FHOD3: variants seen among roughly 807,000 people sequenced by gnomAD.
FHOD3 encodes formin homology 2 domain containing 3.
Under a neutral mutation model 173.0 loss-of-function variants are expected in FHOD3, and 90 were observed. That is an observed-to-expected ratio of 0.52 (90% CI 0.44 to 0.62). The LOEUF (loss-of-function observed/expected upper bound fraction) is 0.62. Ranked by LOEUF, FHOD3 falls within the 20% of genes least tolerant of loss-of-function variation. FHOD3 has a pLI of 0.00. For synonymous variants in FHOD3, 828 were observed against 823.0 expected (o/e 1.01, Z -0.10); for missense variants, 1,945 against 2,034.7 (o/e 0.96, Z 0.85).
chr18:36,303,569 C>T (rs190587669), intron 1 of FHOD3, among the ~76,000 whole-genome samples: 1 of 152,186 alleles, frequency 6.6e-6, no homozygotes, highest in Non-Finnish European at 1.5e-5. Context: ...TTAATAGTGT[C>T]GACTTTAAAA....
At chr18:36,588,514 A>G (rs2059113821) in intron 6 of FHOD3, among the ~76,000 whole-genome samples, 1 of 152,228 alleles carries the variant, frequency 6.6e-6, no homozygotes. Context: ...AATAAAATGA[A>G]GCATGGTTTT....
intron 20 of FHOD3, among the ~76,000 whole-genome samples, chr18:36,733,233 C>T (rs1336962374): frequency 6.6e-6 from 1 of 152,190 alleles, no homozygotes; most frequent in African/African-American, 2.4e-5. Context: ...TATGCAACCC[C>T]CCTGGCCTTC....
rs991431743 is a variant in FHOD3 at position 36,547,080 on chromosome 18, C to T, written c.512-29371C>T. Among the ~76,000 whole-genome samples the T allele has an allele frequency of 3.3e-5, 5 of 152,188 alleles. No homozygotes were observed. In the East Asian group the frequency reaches 9.6e-4, roughly 29 times the overall value. ...GCTGCCCCCTGGGAAGGTCCTGCAT[C>T]CTGGCCCTGTGTCCTGCCGCCTTCA... On this transcript the variant is annotated intron_variant, in intron 5 of 28. Coordinates refer to ENST00000590592, the MANE Select transcript of FHOD3 (RefSeq NM_001281740.3).
At chr18:36,700,330 G>T (rs1033847906) in intron 17 of FHOD3, among the ~76,000 whole-genome samples, 7 of 152,172 alleles carry the variant, frequency 4.6e-5, no homozygotes, top group African/African-American at 1.4e-4. Flanking sequence ...GTGCCAGGCT[G>T]AGGGCTGTTC....
intron 3 of FHOD3, among the ~76,000 whole-genome samples, chr18:36,444,357 A>T (rs2051341894): frequency 6.6e-6 from 1 of 152,056 alleles, no homozygotes; most frequent in Admixed American, 6.5e-5. Context: ...AAAATGGAGT[A>T]TGTTACTTCT....
At chr18:36,744,438 C>T (rs1330812405) in intron 23 of FHOD3, among the ~76,000 whole-genome samples, 1 of 152,272 alleles carries the variant, frequency 6.6e-6, no homozygotes, top group Non-Finnish European at 1.5e-5. Flanking sequence ...AGCCTGCCAT[C>T]CCATTCCTAA....
At chr18:36,505,760 A>AC (rs1298078480) in intron 4 of FHOD3, among the ~76,000 whole-genome samples, 1 of 152,168 alleles carries the variant, frequency 6.6e-6, no homozygotes, top group Non-Finnish European at 1.5e-5. Flanking sequence ...GGATGAAAAA[A>AC]CATTACTGTT....
chr18:36,425,608 G>T (rs557344115), intron 3 of FHOD3, among the ~76,000 whole-genome samples: 50 of 152,218 alleles, frequency 3.3e-4, no homozygotes, highest in South Asian at 3.1e-3. Flanking sequence ...CAACAGTGGC[G>T]CTTGACTCCA....
rs1265464956 is a variant in FHOD3 at position 36,718,165 on chromosome 18, CT to C, written c.2868del (p.Asp957MetfsTer53). 6.2e-7 allele frequency: 1 copy of C among 1,611,650 alleles called. No individual in the cohort carries two copies. Among genetic ancestry groups the C allele is most frequent in the Non-Finnish European group, 8.5e-7 (1 of 1,178,778 alleles). On this transcript the variant is annotated frameshift_variant, in exon 19 of 29. Transcript: ENST00000590592. LOFTEE classifies it high-confidence loss of function. ...GACCTGGGGAGAGGTTCCATCTCCC[CT>C]GATGCTGAGCCCAATGACAAGGTCC... Reference protein sequence around the residue: ...SGDLGRGSISPDAEPNDKVPE... With the variant: ...SGDLGRGSISXDAEPNDKVPE...
rs148301912 is a variant in FHOD3, at chr18:36,551,485, TTTAA to T, written c.512-24959_512-24956del. Among the ~76,000 whole-genome samples the T allele has an allele frequency of 9.1e-3, 1,388 of 152,164 alleles. 21 individuals are homozygous for T. The highest frequency in any genetic ancestry group is 0.031 in the African/African-American group (1,275 of 41,536). ...TTGATTAATTTATTTAATTAATTAATTTAATTAATTGATTTAATTAGATCCCATT... is the reference window on the plus strand; with the variant it reads ...TTGATTAATTTATTTAATTAATTAATTTAATTGATTTAATTAGATCCCATT... On this transcript the variant is annotated intron_variant, in intron 5 of 28. Coordinates refer to ENST00000590592, the MANE Select transcript of FHOD3 (RefSeq NM_001281740.3).
At chr18:36,731,696 G>C (rs879568) in intron 20 of FHOD3, among the ~76,000 whole-genome samples, 60,552 of 152,118 alleles carry the variant, frequency 0.4, 12,594 homozygotes, top group African/African-American at 0.53. Flanking sequence ...CCTGACTCCA[G>C]AGAGGGAGAG....
intron 3 of FHOD3, among the ~76,000 whole-genome samples, chr18:36,391,727 G>A (rs1360457220): frequency 6.6e-6 from 1 of 152,112 alleles, no homozygotes; most frequent in African/African-American, 2.4e-5. Context: ...GTCATCGTGT[G>A]CACACCTTAC....
Position 36,576,656 on chromosome 18 carries a change from G to A in FHOD3, c.606+111G>A, listed in dbSNP as rs573679304. On this transcript the variant is annotated intron_variant, in intron 6 of 28. Coordinates refer to ENST00000590592, the MANE Select transcript of FHOD3 (RefSeq NM_001281740.3). ...AATTTTATTCAGCTTTTTTCAAGCC[G>A]TTACAGTATAAATGAGGATTACTAC... The A allele has an allele frequency of 3.5e-4, 247 of 708,484 alleles. 1 individual carries two copies. The highest frequency in any genetic ancestry group is 1.0e-3 in the Admixed American group (34 of 34,150). The allele number at this position is 708,484 out of a possible 1,614,324, so 43.9% of individuals were successfully genotyped here. A position where few individuals can be genotyped will look rare whatever the true frequency, so the allele number is the denominator to read the frequency against.
intron 3 of FHOD3, among the ~76,000 whole-genome samples, chr18:36,425,564 AT>A (rs1249069354): frequency 1.1e-4 from 17 of 152,234 alleles, no homozygotes; most frequent in Non-Finnish European, 1.6e-4. Context: ...GGTTATGTTC[AT>A]TTAGTAAAGA....
At chr18:36,693,099 C>A in intron 16 of FHOD3, 110 bp from the exon 17 acceptor site, 1 of 1,077,266 alleles carries the variant, frequency 9.3e-7, no homozygotes, top group Non-Finnish European at 1.4e-6. Flanking sequence ...CTGCACTGTG[C>A]TGTGTGCATC....
At chr18:36,744,335 G>A in intron 23 of FHOD3, 142 bp downstream of exon 23, 1 of 827,130 alleles carries the variant, frequency 1.2e-6, no homozygotes, top group Non-Finnish European at 1.8e-6. Context: ...TTATGAATAT[G>A]ATTTGTTTTG....
chr18:36,474,481 T>G (rs1045994262), intron 3 of FHOD3, among the ~76,000 whole-genome samples: 1 of 151,976 alleles, frequency 6.6e-6, no homozygotes, highest in Non-Finnish European at 1.5e-5. Context: ...TGATGTTGAG[T>G]TTTTAGAGTT....
Position 36,693,316 on chromosome 18 carries a change from C to G in FHOD3, c.2129C>G (p.Ala710Gly), listed in dbSNP as rs61735993. The change falls in exon 17 of 29, where the codon GCA becomes GGA. Residue 710 changes from alanine (A) to glycine (G), a missense_variant. This residue lies in a region of FHOD3 where 1,099 missense variants were observed against 1,051.2 expected (regional missense o/e 1.05). Coordinates refer to ENST00000590592, the MANE Select transcript of FHOD3 (RefSeq NM_001281740.3). Reference sequence around the variant, plus strand: ...CTCTCCTTGGACCTGACCTCGCCAGCAGCCCCAGCCTGCCTGGCTCCTCTG... The same window carrying G: ...CTCTCCTTGGACCTGACCTCGCCAGGAGCCCCAGCCTGCCTGGCTCCTCTG... ...ADLSLDLTSP[A>G]APACLAPLSH... The G allele has an allele frequency of 0.17, 267,695 of 1,613,636 alleles. 24,241 individuals are homozygous for G. The highest frequency in any genetic ancestry group is 0.19 in the Non-Finnish European group (221,149 of 1,179,708).
chr18:36,602,744 T>A lies in FHOD3; in HGVS notation c.789T>A (p.Val263=), dbSNP rs2031558311. ...ATGGAGTTGATACGGAGCTACTGGT[T>A]TATGCAATGACTTTGGTGAACAAGG... The part of the protein sequence containing the change: ...EKDGVDTELL[V]YAMTLVNKTL... The change falls in exon 8 of 29, where the codon GTT becomes GTA. Residue 263 remains valine (V), a synonymous_variant. Transcript: ENST00000590592. 1 of 1,614,058 alleles carries A rather than the reference T, an allele frequency of 6.2e-7. No homozygotes were observed. Among genetic ancestry groups the A allele is most frequent in the Non-Finnish European group, 8.5e-7 (1 of 1,180,002 alleles).
Sources: allele counts gnomAD v4.1 joint callset (sites outside exome capture counted in the v4.1 genomes callset), GRCh38; gene constraint gnomAD v4.1.1; regional missense constraint gnomAD v4.1.1; transcripts MANE v1.5; gene names NCBI Gene and HGNC (gene_info 2026-07-23, HGNC 2026-07-21).